Variants in VSTM2L observed in about 807,000 individuals in gnomAD.
VSTM2L encodes V-set and transmembrane domain-containing protein 2-like protein.
A neutral mutation model predicts 19.9 loss-of-function variants in VSTM2L; 9 were observed. The observed-to-expected ratio is 0.45, with a 90% CI of 0.27 to 0.79. The LOEUF is 0.79. Ranked by LOEUF, VSTM2L falls within the 30% of genes least tolerant of loss-of-function variation. The probability of loss-of-function intolerance (pLI) is 0.15; values close to 1 mark genes in which losing one functional copy is unlikely to be tolerated. For missense variants in VSTM2L, 286 were observed against 295.5 expected (o/e 0.97, Z 0.24); for synonymous variants, 127 against 133.8 (o/e 0.95, Z 0.35).
chr20:37,944,182 GC>G lies in VSTM2L; in HGVS notation c.548del (p.Pro183ArgfsTer10), dbSNP rs1232348674. On this transcript the variant is annotated frameshift_variant, in exon 4 of 4. Transcript: ENST00000373461. LOFTEE classifies it high-confidence loss of function. ...HLPEAPPAAP[A>X]PPPPKPGKEL... ...GCCCGAAGCCCCTCCCGCCGCGCCCGCCCCGCCGCCCCCCAAGCCAGGCAAG... is the reference window on the plus strand; with the variant it reads ...GCCCGAAGCCCCTCCCGCCGCGCCCGCCCGCCGCCCCCCAAGCCAGGCAAG... 3.4e-6 allele frequency: 3 copies of G among 873,820 alleles called. No individual in the cohort carries two copies. The African/African-American group carries it at 9.2e-5, about 27-fold the overall frequency. 54.1% of individuals were successfully genotyped at this position (873,820 alleles called of 1,614,324 possible). A position where few individuals can be genotyped will look rare whatever the true frequency, so the allele number is the denominator to read the frequency against.
At chr20:37,923,066 ATGT>A (rs1307263677) in intron 1 of VSTM2L, among the ~76,000 whole-genome samples, 5 of 152,298 alleles carry the variant, frequency 3.3e-5, no homozygotes, top group Non-Finnish European at 7.4e-5. Flanking sequence ...CGTGAGGCAC[ATGT>A]TGTCTTGTGT....
rs1221729601 is a variant in VSTM2L at position 37,944,307 on chromosome 20, G to T, written c.*54G>T. 2.9e-6 allele frequency: 4 copies of T among 1,386,196 alleles called. No individual in the cohort carries two copies. The East Asian group carries it at 1.1e-4, about 37-fold the overall frequency. The allele number at this position is 1,386,196 out of a possible 1,614,324, so 85.9% of individuals were successfully genotyped here. On this transcript the variant is annotated 3_prime_UTR_variant, in exon 4 of 4. Coordinates refer to ENST00000373461, the MANE Select transcript of VSTM2L (RefSeq NM_080607.3). Reference sequence around the variant, plus strand: ...CCCCACGCTGTACAGAGTGCATGAGGAGCCGCCGGACCACCGGGGACCGAC... The same window carrying T: ...CCCCACGCTGTACAGAGTGCATGAGTAGCCGCCGGACCACCGGGGACCGAC...
intron 1 of VSTM2L, among the ~76,000 whole-genome samples, chr20:37,921,136 G>A (rs1214139248): frequency 6.6e-6 from 1 of 152,190 alleles, no homozygotes; most frequent in East Asian, 1.9e-4. Context: ...GGCAGGGAGA[G>A]GCAGCCTCGG....
intron 1 of VSTM2L, among the ~76,000 whole-genome samples, chr20:37,925,581 C>T (rs2072875098): frequency 6.6e-6 from 1 of 152,124 alleles, no homozygotes; most frequent in African/African-American, 2.4e-5. Flanking sequence ...AACAGGGAGG[C>T]CCAGATTTGT....
At position 37,944,953 on chromosome 20, in the gene VSTM2L, A is replaced by G; in HGVS notation, c.*700A>G. ...AGGGAGGGGCCTTTCCCTCGGACCC[A>G]TGGCCCCAGGCAGAGTTTTGCACCA... is the stretch of plus-strand genomic sequence containing the variant. On this transcript the variant is annotated 3_prime_UTR_variant, in exon 4 of 4. Coordinates refer to ENST00000373461, the MANE Select transcript of VSTM2L (RefSeq NM_080607.3). 1 of 985,728 alleles carries G rather than the reference A, an allele frequency of 1.0e-6. No individual in the cohort carries two copies. 61.1% of individuals were successfully genotyped at this position (985,728 alleles called of 1,614,324 possible).
chr20:37,916,318 C>G (rs981768189), intron 1 of VSTM2L, among the ~76,000 whole-genome samples: 3 of 152,228 alleles, frequency 2.0e-5, no homozygotes, highest in South Asian at 4.1e-4. Flanking sequence ...CGCCCCTGCC[C>G]TATCTCTGGC....
chr20:37,914,477 TTG>T (rs761661248), intron 1 of VSTM2L, among the ~76,000 whole-genome samples: 12 of 7,118 alleles, frequency 1.7e-3, no homozygotes, highest in Non-Finnish European at 3.1e-3. Flanking sequence ...TGTGTGTATT[TTG>T]TGTGTGTGTA....
Position 37,931,535 on chromosome 20 carries a change from C to T in VSTM2L, c.122-100C>T, listed in dbSNP as rs527236375. ...CACCCCACCCCCTCCACCCATCCCC[C>T]GCCGTGCAGGGCCAGCTGTTCCTAC... On this transcript the variant is annotated intron_variant, in intron 1 of 3. Coordinates refer to ENST00000373461, the MANE Select transcript of VSTM2L (RefSeq NM_080607.3). 1.7e-4 allele frequency: 231 copies of T among 1,367,862 alleles called. No homozygotes were observed. In the African/African-American group the frequency reaches 2.8e-3, roughly 17 times the overall value. The allele number at this position is 1,367,862 out of a possible 1,614,324, so 84.7% of individuals were successfully genotyped here. A position where few individuals can be genotyped will look rare whatever the true frequency, so the allele number is the denominator to read the frequency against.
intron 3 of VSTM2L, among the ~76,000 whole-genome samples, chr20:37,942,415 G>C (rs1444112623): frequency 6.6e-6 from 1 of 152,232 alleles, no homozygotes; most frequent in Non-Finnish European, 1.5e-5. Context: ...CCAGGAGGTG[G>C]AGGTTGCAGT....
In VSTM2L at chr20:37,944,539, G is replaced by C. The variant is rs1474599677; in HGVS notation, c.*286G>C. On this transcript the variant is annotated 3_prime_UTR_variant, in exon 4 of 4. Coordinates refer to ENST00000373461, the MANE Select transcript of VSTM2L (RefSeq NM_080607.3). The stretch of plus-strand genomic sequence containing the variant: ...GGCAGGGACCATGCTGGGGCCCGGG[G>C]CCACCCCCTTCCTGTCACCAGCTTC... 1 of 1,191,420 alleles carries C rather than the reference G, an allele frequency of 8.4e-7. No homozygotes were observed. The highest frequency in any genetic ancestry group is 1.6e-5 in the African/African-American group (1 of 63,482). The allele number at this position is 1,191,420 out of a possible 1,614,324, so 73.8% of individuals were successfully genotyped here.
At chr20:37,938,716 G>T (rs929609108) in intron 3 of VSTM2L, among the ~76,000 whole-genome samples, 1 of 152,230 alleles carries the variant, frequency 6.6e-6, no homozygotes, top group African/African-American at 2.4e-5. Flanking sequence ...ATGCCTGTGC[G>T]GAGGTGATTA....
chr20:37,921,416 G>A (rs1300710913), intron 1 of VSTM2L, among the ~76,000 whole-genome samples: 2 of 152,184 alleles, frequency 1.3e-5, no homozygotes, highest in Non-Finnish European at 2.9e-5. Context: ...CTTCCTGAAG[G>A]CCCCAGGCAG....
At chr20:37,942,268 G>C (rs2072976693) in intron 3 of VSTM2L, among the ~76,000 whole-genome samples, 1 of 152,168 alleles carries the variant, frequency 6.6e-6, no homozygotes, top group African/African-American at 2.4e-5. Context: ...GATCACTTGA[G>C]GCCAGGAGTT....
chr20:37,939,056 C>G (rs1299853951), intron 3 of VSTM2L, among the ~76,000 whole-genome samples: 1 of 152,182 alleles, frequency 6.6e-6, no homozygotes, highest in East Asian at 1.9e-4. Context: ...CTTCACCTCT[C>G]TGAGTCTCAG....
At chr20:37,910,294 A>G (rs1264511460) in intron 1 of VSTM2L, among the ~76,000 whole-genome samples, 1 of 152,214 alleles carries the variant, frequency 6.6e-6, no homozygotes, top group Non-Finnish European at 1.5e-5. Flanking sequence ...ATAATAGCGC[A>G]GGCGGTGCGT....
chr20:37,918,756 C>A (rs1343732266), intron 1 of VSTM2L, among the ~76,000 whole-genome samples: 1 of 152,180 alleles, frequency 6.6e-6, no homozygotes, highest in East Asian at 1.9e-4. Context: ...TGAGTCCCCT[C>A]TGACTGTGCA....
intron 3 of VSTM2L, among the ~76,000 whole-genome samples, chr20:37,937,814 G>A (rs1303528682): frequency 6.6e-6 from 1 of 152,212 alleles, no homozygotes; most frequent in African/African-American, 2.4e-5. Flanking sequence ...CTGCCATAAT[G>A]GGGTATCTGA....
In VSTM2L at chr20:37,933,531, C is replaced by G. The variant is rs1162287944; in HGVS notation, c.292-8C>G. 6.2e-7 allele frequency: 1 copy of G among 1,607,534 alleles called. No individual in the cohort carries two copies. Among genetic ancestry groups the G allele is most frequent in the Admixed American group, 1.7e-5 (1 of 59,790 alleles). On this transcript the variant is annotated splice_polypyrimidine_tract_variant and splice_region_variant and intron_variant, in intron 2 of 3. Coordinates refer to ENST00000373461, the MANE Select transcript of VSTM2L (RefSeq NM_080607.3). ...TCTGCTCTCTCCGCCCCTCCCCGAT[C>G]CCAACAGCTAAAAGCATCTCAGCAG...
chr20:37,918,295 G>A (rs549133624), intron 1 of VSTM2L, among the ~76,000 whole-genome samples: 89 of 152,308 alleles, frequency 5.8e-4, no homozygotes, highest in African/African-American at 2.1e-3. Flanking sequence ...AGCCAGGGCT[G>A]GTGCTGGGTG....
Sources: allele counts gnomAD v4.1 joint callset (sites outside exome capture counted in the v4.1 genomes callset), GRCh38; gene constraint gnomAD v4.1.1; transcripts MANE v1.5; gene names NCBI Gene and HGNC (gene_info 2026-07-23, HGNC 2026-07-21).